Variants in EXOC7 observed in about 807,000 individuals in gnomAD.
The protein encoded by EXOC7 is exocyst complex component 7, also known as exocyst complex component Exo70.
A neutral mutation model predicts 87.6 loss-of-function variants in EXOC7; 51 were observed. That is an observed-to-expected ratio of 0.58 (90% confidence interval 0.46 to 0.73). EXOC7 has a LOEUF of 0.73. Ranked by LOEUF, EXOC7 falls within the 30% of genes least tolerant of loss-of-function variation. The pLI, the probability that EXOC7 is intolerant of heterozygous loss-of-function variation, is 0.00. For missense variants in EXOC7, 744 were observed against 888.4 expected (o/e 0.84, Z 2.07); for synonymous variants, 327 against 357.1 (o/e 0.92, Z 0.95).
intron 7 of EXOC7, chr17:76,090,327 AC>A: frequency 6.4e-7 from 1 of 1,550,992 alleles, no homozygotes; most frequent in South Asian, 1.2e-5. Context: ...TGCGGTACTC[AC>A]CGGCCAGCGG....
chr17:76,084,473 C>A, intron 16 of EXOC7, 44 bp downstream of exon 16: 1 of 1,602,840 alleles, frequency 6.2e-7, no homozygotes, highest in Non-Finnish European at 8.5e-7. Context: ...CAAAAAGTAT[C>A]CCGTCTGCCA....
At position 76,084,040 on chromosome 17, in the gene EXOC7, T is replaced by C. The variant is rs1035280099; in HGVS notation, c.1918A>G (p.Ile640Val). 1.9e-6 allele frequency: 3 copies of C among 1,605,832 alleles called. No individual in the cohort carries two copies. The highest frequency in any genetic ancestry group is 2.2e-5 in the East Asian group (1 of 44,842). ...RDRIRQAQKT[I>V]VKETYGAFLQ... The stretch of plus-strand genomic sequence containing the variant: ...AAGGCCCCGTAGGTCTCCTTGACAA[T>C]GGTCTTCTGGGCCTGGCGAATCCTG... Residue 640 changes from isoleucine (I) to valine (V), a missense_variant, in exon 18 of 19, where the codon ATT becomes GTT. This residue lies in a region of EXOC7 where 228 missense variants were observed against 298.6 expected (regional missense o/e 0.76). Coordinates refer to ENST00000589210, the MANE Select transcript of EXOC7 (RefSeq NM_001013839.4).
rs1185933265 is a variant in EXOC7 at position 76,081,779 on chromosome 17, T to C, written c.*1869A>G. On this transcript the variant is annotated 3_prime_UTR_variant, in exon 19 of 19. Transcript: ENST00000589210. ...CAGTAAGCCCTGCTCCCTTACCCAG[T>C]CTGCCCTGTTTCTCCCCGGTCACCC... 3 of 1,613,802 alleles carry C rather than the reference T, an allele frequency of 1.9e-6. No homozygotes were observed. Among genetic ancestry groups the C allele is most frequent in the South Asian group, 1.1e-5 (1 of 91,084 alleles).
In EXOC7 at chr17:76,081,416, G is replaced by A. The variant is rs8836; in HGVS notation, c.*2232C>T. The A allele has an allele frequency of 4.3e-6, 7 of 1,613,800 alleles. No individual in the cohort carries two copies. In the South Asian group the frequency reaches 6.6e-5, roughly 15 times the overall value. ...TTCCAGGTGACGGTGAGTCAAGTCG[G>A]GAGGAGGCCGACAGAGGGCTGCTGG... On this transcript the variant is annotated 3_prime_UTR_variant, in exon 19 of 19. Coordinates refer to ENST00000589210, the MANE Select transcript of EXOC7 (RefSeq NM_001013839.4).
chr17:76,098,798 G>A (rs547486378), intron 4 of EXOC7, among the ~76,000 whole-genome samples: 66 of 151,308 alleles, frequency 4.4e-4, no homozygotes, highest in Non-Finnish European at 7.4e-4. Flanking sequence ...CCCAGGAGGC[G>A]GAGCTTGCAG....
intron 7 of EXOC7, chr17:76,090,307 C>T (rs2290247): frequency 1.9e-5 from 29 of 1,548,344 alleles, no homozygotes; most frequent in South Asian, 4.8e-5. Flanking sequence ...CGGCTGCCCT[C>T]GGGCTGGGCT....
rs191578696 is a variant in EXOC7 at position 76,081,180 on chromosome 17, A to T, written c.*2468T>A. On this transcript the variant is annotated 3_prime_UTR_variant, in exon 19 of 19. Coordinates refer to ENST00000589210, the MANE Select transcript of EXOC7 (RefSeq NM_001013839.4). ...AAGTCTGTCCCTGCCAAAAGCCATCAAAAGTCTCCATCACCCCTGGGCTCC... is the reference window on the plus strand; with the variant it reads ...AAGTCTGTCCCTGCCAAAAGCCATCTAAAGTCTCCATCACCCCTGGGCTCC... The T allele has an allele frequency of 6.5e-7, 1 of 1,534,196 alleles. No individual in the cohort carries two copies. The highest frequency in any genetic ancestry group is 1.4e-5 in the African/African-American group (1 of 72,726).
At chr17:76,099,639 G>A (rs374352515) in intron 4 of EXOC7, among the ~76,000 whole-genome samples, 15 of 152,150 alleles carry the variant, frequency 9.9e-5, no homozygotes, top group Admixed American at 3.9e-4. Flanking sequence ...AAAGCATCAC[G>A]CTAAGTGAAA....
chr17:76,086,937 A>C, intron 12 of EXOC7: 1 of 1,525,920 alleles, frequency 6.6e-7, no homozygotes. Context: ...AGAGGGAGAG[A>C]CAAAGGAGGG....
rs749002615 is a variant in EXOC7 at position 76,084,634 on chromosome 17, T to G, written c.1713-54A>C. ...CAGAGGGTGGCCTGCCTCAGTGGCC[T>G]GGCTTGTTTCGTTTGCTAAATCTCT... is the stretch of plus-strand genomic sequence containing the variant. On this transcript the variant is annotated intron_variant, in intron 15 of 18. Transcript: ENST00000589210. 5 of 1,546,194 alleles carry G rather than the reference T, an allele frequency of 3.2e-6. No homozygotes were observed. The South Asian group carries it at 4.6e-5, about 14-fold the overall frequency.
At chr17:76,087,012 TC>T in intron 12 of EXOC7, 1 of 798,796 alleles carries the variant, frequency 1.3e-6, no homozygotes, top group Non-Finnish European at 2.1e-6. Flanking sequence ...AGCAGACCTC[TC>T]CCCACGACAG....
At chr17:76,090,302 G>A (rs1313028105) in intron 7 of EXOC7, 2 of 1,547,796 alleles carry the variant, frequency 1.3e-6, no homozygotes, top group Admixed American at 2.0e-5. Flanking sequence ...GTCAGCGGCT[G>A]CCCTCGGGCT....
At chr17:76,088,349 G>T in intron 10 of EXOC7, 115 bp downstream of exon 10, 1 of 1,121,262 alleles carries the variant, frequency 8.9e-7, no homozygotes, top group Non-Finnish European at 1.3e-6. Flanking sequence ...CAGTGGCGCA[G>T]CTGGCTGCCC....
At position 76,083,992 on chromosome 17, in the gene EXOC7, A is replaced by G. The variant is rs1166720608; in HGVS notation, c.1952+14T>C. 6.5e-7 allele frequency: 1 copy of G among 1,547,874 alleles called. No homozygotes were observed. ...TGTGGGCAGCACAGGCTGGGAGGGG[A>G]ATGGAGGCCTCACTTCTGTAGAAAG... On this transcript the variant is annotated intron_variant, in intron 18 of 18. Coordinates refer to ENST00000589210, the MANE Select transcript of EXOC7 (RefSeq NM_001013839.4).
Position 76,082,217 on chromosome 17 carries a change from C to T in EXOC7, c.*1431G>A. The T allele has an allele frequency of 1.1e-6, 1 of 941,848 alleles. No homozygotes were observed. The highest frequency in any genetic ancestry group is 1.8e-5 in the South Asian group (1 of 56,316). The allele number at this position is 941,848 out of a possible 1,614,324, so 58.3% of individuals were successfully genotyped here. On this transcript the variant is annotated 3_prime_UTR_variant, in exon 19 of 19. Coordinates refer to ENST00000589210, the MANE Select transcript of EXOC7 (RefSeq NM_001013839.4). Reference sequence around the variant, plus strand: ...TCCCTTAGAAGAAACAGGTCTGGGGCAGGGAGCAAGCTGAGCCTCCCTGAA... The same window carrying T: ...TCCCTTAGAAGAAACAGGTCTGGGGTAGGGAGCAAGCTGAGCCTCCCTGAA...
intron 9 of EXOC7, 59 bp downstream of exon 9, chr17:76,088,712 C>T: frequency 5.6e-6 from 9 of 1,607,066 alleles, no homozygotes; most frequent in Non-Finnish European, 7.7e-6. Flanking sequence ...GATGGGGCGG[C>T]CACACCCGGC....
intron 17 of EXOC7, 26 bp from the exon 18 acceptor site, chr17:76,084,165 A>C (rs1186385393): frequency 1.3e-6 from 2 of 1,593,704 alleles, no homozygotes; most frequent in Admixed American, 1.8e-5. Flanking sequence ...GTGAAAAAGG[A>C]AGGCACCCAG....
At position 76,094,609 on chromosome 17, in the gene EXOC7, C is replaced by T. The variant is rs367910926; in HGVS notation, c.641-28G>A. 1.3e-4 allele frequency: 201 copies of T among 1,596,608 alleles called. 1 individual carries two copies. The highest frequency in any genetic ancestry group is 1.6e-4 in the Non-Finnish European group (184 of 1,169,966). ...GAGGAGACACAGAGGGATAGAGGTA[C>T]GGCTGCCAGGCCCTGTCTCTGCCTT... On this transcript the variant is annotated intron_variant, in intron 5 of 18. Coordinates refer to ENST00000589210, the MANE Select transcript of EXOC7 (RefSeq NM_001013839.4).
intron 4 of EXOC7, 47 bp downstream of exon 4, chr17:76,101,224 G>A (rs376723848): frequency 1.9e-5 from 30 of 1,613,972 alleles, no homozygotes; most frequent in Non-Finnish European, 2.5e-5. Context: ...GACCAGGGCA[G>A]AGACTGATAT....
Sources: gnomAD v4.1 joint callset for allele counts (sites outside exome capture counted in the v4.1 genomes callset) on GRCh38, gnomAD v4.1.1 for gene constraint, gnomAD v4.1.1 regional missense constraint, MANE v1.5 for transcripts, NCBI Gene and HGNC (gene_info 2026-07-23, HGNC 2026-07-21) for gene names.